Variants in MSH3 observed in about 807,000 individuals in gnomAD.
MSH3 encodes the protein DNA mismatch repair protein Msh3.
A neutral mutation model predicts 123.3 loss-of-function variants in MSH3; 106 were observed. The observed-to-expected ratio is 0.86, with a 90% CI of 0.73 to 1.01. MSH3 has a LOEUF of 1.01. Ranked by LOEUF, MSH3 falls within the 50% of genes least tolerant of loss-of-function variation. The pLI is 0.00. For missense variants in MSH3, 1,459 were observed against 1,347.6 expected (o/e 1.08, Z -1.29); for synonymous variants, 515 against 481.4 (o/e 1.07, Z -0.91).
At chr5:80,798,270 G>A (rs1198284916) in intron 19 of MSH3, among the ~76,000 whole-genome samples, 1 of 152,120 alleles carries the variant, frequency 6.6e-6, no homozygotes, top group African/African-American at 2.4e-5. Flanking sequence ...GATCAAGATG[G>A]GCCTAGGGTG....
At chr5:80,739,205 G>C (rs923942107) in intron 10 of MSH3, among the ~76,000 whole-genome samples, 3 of 152,176 alleles carry the variant, frequency 2.0e-5, no homozygotes, top group Non-Finnish European at 4.4e-5. Flanking sequence ...CGGAAGTAAG[G>C]ACTCATATCT....
chr5:80,714,632 A>G (rs1750921625), intron 8 of MSH3, among the ~76,000 whole-genome samples: 1 of 152,218 alleles, frequency 6.6e-6, no homozygotes, highest in Non-Finnish European at 1.5e-5. Context: ...GAAAGCCTCA[A>G]GGATAAGTGA....
chr5:80,696,972 A>AAGAATGTT (rs1305705545), intron 8 of MSH3, among the ~76,000 whole-genome samples: 1 of 152,194 alleles, frequency 6.6e-6, no homozygotes, highest in African/African-American at 2.4e-5. Flanking sequence ...TTTACAGTTT[A>AAGAATGTT]AGAATGTTAG....
At chr5:80,709,206 G>T (rs1750789261) in intron 8 of MSH3, among the ~76,000 whole-genome samples, 1 of 121,186 alleles carries the variant, frequency 8.3e-6, no homozygotes, top group South Asian at 2.8e-4. Flanking sequence ...ATATAAAATA[G>T]ATATGTGTGT....
At position 80,754,907 on chromosome 5, in the gene MSH3, T is replaced by C. The variant is rs191000996; in HGVS notation, c.1764-6639T>C. Among the ~76,000 whole-genome samples, 11 of 152,326 alleles carry C rather than the reference T, an allele frequency of 7.2e-5. 1 individual carries two copies. Among genetic ancestry groups the C allele is most frequent in the Admixed American group, 7.2e-4 (11 of 15,296 alleles). On this transcript the variant is annotated intron_variant, in intron 12 of 23. Transcript: ENST00000265081. ...ATATTTCCTTCCACTTAACATTTAA[T>C]TTGTGTTAATGAAACCAAATGTCAC...
Position 80,768,088 on chromosome 5 carries a change from TTACTTAAAGA to T in MSH3, c.2057_2066del (p.Leu686SerfsTer23), listed in dbSNP as rs766122076. On this transcript the variant is annotated frameshift_variant, in exon 14 of 24. Transcript: ENST00000265081. LOFTEE classifies it high-confidence loss of function. ...CTGAACTCCTCAGTCCAGTGGAGCA[TTACTTAAAGA>T]TACTCAATGAACAAGCTGCCAAGTA... is the stretch of plus-strand genomic sequence containing the variant. 2 of 1,613,704 alleles carry T rather than the reference TTACTTAAAGA, an allele frequency of 1.2e-6. No homozygotes were observed. The highest frequency in any genetic ancestry group is 3.3e-5 in the Admixed American group (2 of 60,008).
chr5:80,724,059 C>T (rs1355720589), intron 8 of MSH3, among the ~76,000 whole-genome samples: 2 of 152,110 alleles, frequency 1.3e-5, no homozygotes, highest in African/African-American at 4.8e-5. Context: ...GCCCGGCCAG[C>T]GTTTCCTTCT....
intron 8 of MSH3, among the ~76,000 whole-genome samples, chr5:80,707,640 A>G (rs538916003): frequency 6.6e-6 from 1 of 152,274 alleles, no homozygotes; most frequent in East Asian, 1.9e-4. Context: ...GCTGAGGTGA[A>G]AGGATGGCTT....
Position 80,775,774 on chromosome 5 carries a change from A to AT in MSH3, c.2318+23dup. 6.7e-7 allele frequency: 1 copy of AT among 1,498,854 alleles called. No individual in the cohort carries two copies. Among genetic ancestry groups the AT allele is most frequent in the Non-Finnish European group, 9.3e-7 (1 of 1,076,222 alleles). The allele number at this position is 1,498,854 out of a possible 1,614,324, so 92.8% of individuals were successfully genotyped here. A position where few individuals can be genotyped will look rare whatever the true frequency, so the allele number is the denominator to read the frequency against. On this transcript the variant is annotated intron_variant, in intron 16 of 23. Coordinates refer to ENST00000265081, the MANE Select transcript of MSH3 (RefSeq NM_002439.5). ...AGGTTGGAAGGTAGGTTTAAAATAA[A>AT]TTTTTTTCTTACAATGCATTATGAT...
chr5:80,823,461 A>T (rs1561489758), intron 20 of MSH3, among the ~76,000 whole-genome samples: 1 of 152,102 alleles, frequency 6.6e-6, no homozygotes, highest in Non-Finnish European at 1.5e-5. Flanking sequence ...ATCAGACCTT[A>T]CTTGTCCACA....
At chr5:80,827,365 G>A (rs1366102671) in intron 20 of MSH3, among the ~76,000 whole-genome samples, 3 of 152,218 alleles carry the variant, frequency 2.0e-5, no homozygotes, top group African/African-American at 7.2e-5. Flanking sequence ...AGTGGCACGA[G>A]TGTGTTTTTC....
intron 13 of MSH3, among the ~76,000 whole-genome samples, chr5:80,766,651 G>A (rs546624218): frequency 8.6e-5 from 13 of 150,670 alleles, no homozygotes; most frequent in Non-Finnish European, 1.5e-4. Flanking sequence ...CTGGTTTTAT[G>A]CCGTTTTAAA....
chr5:80,740,721 T>C (rs1383739620), intron 10 of MSH3, among the ~76,000 whole-genome samples: 1 of 150,786 alleles, frequency 6.6e-6, no homozygotes, highest in African/African-American at 2.4e-5. Context: ...ATCTTTTTTT[T>C]TTTTTTTTGC....
rs1186259743 is a variant in MSH3, at chr5:80,778,744, C to T, written c.2343C>T (p.His781=). ...GCACAAAAGCTGTGAGCCGCTTTCA[C>T]TCTCCTTTTATTGTAGAAAATTACA... ...VGSTKAVSRF[H]SPFIVENYRH... Residue 781 remains histidine (H), a synonymous_variant, in exon 17 of 24, where the codon CAC becomes CAT. Coordinates refer to ENST00000265081, the MANE Select transcript of MSH3 (RefSeq NM_002439.5). The T allele has an allele frequency of 6.2e-7, 1 of 1,611,716 alleles. No individual in the cohort carries two copies. The highest frequency in any genetic ancestry group is 8.5e-7 in the Non-Finnish European group (1 of 1,177,818).
intron 12 of MSH3, among the ~76,000 whole-genome samples, chr5:80,760,345 C>T (rs1006418311): frequency 5.9e-5 from 9 of 152,146 alleles, no homozygotes; most frequent in African/African-American, 2.2e-4. Context: ...TTTATAGGTA[C>T]TTCATGGACC....
intron 7 of MSH3, 138 bp downstream of exon 7, chr5:80,675,266 C>A: frequency 9.8e-7 from 1 of 1,024,140 alleles, no homozygotes; most frequent in Non-Finnish European, 1.5e-6. Flanking sequence ...ATTTTTCTCA[C>A]AATATTATAT....
At chr5:80,861,155 A>G (rs139622712) in intron 21 of MSH3, among the ~76,000 whole-genome samples, 272 of 152,236 alleles carry the variant, frequency 1.8e-3, no homozygotes, top group African/African-American at 6.5e-3. Context: ...TGCCATAGCT[A>G]TGTCTGGTTC....
intron 20 of MSH3, among the ~76,000 whole-genome samples, chr5:80,830,386 C>T (rs954163264): frequency 6.6e-6 from 1 of 152,126 alleles, no homozygotes; most frequent in African/African-American, 2.4e-5. Context: ...TAATTTCTAA[C>T]ATTTTATAGG....
At chr5:80,814,671 C>T (rs772229780) in intron 20 of MSH3, among the ~76,000 whole-genome samples, 3 of 152,206 alleles carry the variant, frequency 2.0e-5, no homozygotes, top group Non-Finnish European at 4.4e-5. Flanking sequence ...GGAGACTTGG[C>T]TGTTAGGCTC....
Sources: allele counts gnomAD v4.1 joint callset (sites outside exome capture counted in the v4.1 genomes callset), GRCh38; gene constraint gnomAD v4.1.1; transcripts MANE v1.5; gene names NCBI Gene and HGNC (gene_info 2026-07-23, HGNC 2026-07-21).